OR6N1: variants seen among roughly 807,000 people sequenced by gnomAD.
OR6N1 encodes the protein olfactory receptor 6N1.
For synonymous variants in OR6N1, 170 were observed against 150.7 expected, an observed-to-expected ratio of 1.13 and a Z score of -0.94; for missense variants, 394 against 371.7, an observed-to-expected ratio of 1.06 and a Z score of -0.49.
chr1:158,769,720 C>T (rs766684119), intron 1 of OR6N1, among the ~76,000 whole-genome samples: 1 of 152,134 alleles, frequency 6.6e-6, no homozygotes, highest in African/African-American at 2.4e-5. Flanking sequence ...ATGTCCATCC[C>T]ATATACAAAA....
At chr1:158,782,540 G>C in the OR6N1 span, among the ~76,000 whole-genome samples, 1 of 152,200 alleles carries the variant, frequency 6.6e-6, no homozygotes, top group African/African-American at 2.4e-5. Context: ...TTCTGTAAGA[G>C]AGTGTTAGAT....
the OR6N1 span, chr1:158,795,968 T>A: frequency 1.3e-5 from 2 of 152,340 alleles, no homozygotes; most frequent in East Asian, 3.9e-4. Flanking sequence ...AGTGGTAGAA[T>A]CACGTTAACA....
chr1:158,824,310 C>A, the OR6N1 span, among the ~76,000 whole-genome samples: 17 of 152,160 alleles, frequency 1.1e-4, no homozygotes, highest in African/African-American at 3.9e-4. Context: ...CTCCTCCTAG[C>A]CTTCCACCGT....
the OR6N1 span, among the ~76,000 whole-genome samples, chr1:158,806,928 G>C: frequency 6.6e-6 from 1 of 150,752 alleles, no homozygotes; most frequent in Non-Finnish European, 1.5e-5. Flanking sequence ...GCTTGAACTC[G>C]GGAGGCAGTG....
chr1:158,789,481 T>G, the OR6N1 span, among the ~76,000 whole-genome samples: 1 of 152,222 alleles, frequency 6.6e-6, no homozygotes, highest in Admixed American at 6.5e-5. Flanking sequence ...ATTCCCCTTT[T>G]TCTACATCCT....
the OR6N1 span, among the ~76,000 whole-genome samples, chr1:158,818,549 A>G: frequency 9.2e-5 from 14 of 152,166 alleles, no homozygotes; most frequent in Non-Finnish European, 1.5e-4. Context: ...CTAAAATATG[A>G]AAGAGCTTGA....
At chr1:158,805,032 A>G in the OR6N1 span, among the ~76,000 whole-genome samples, 128 of 152,344 alleles carry the variant, frequency 8.4e-4, no homozygotes, top group Non-Finnish European at 1.3e-3. Flanking sequence ...AACCTTTTAG[A>G]GATATTATTT....
At chr1:158,807,637 C>T in the OR6N1 span, among the ~76,000 whole-genome samples, 1 of 152,220 alleles carries the variant, frequency 6.6e-6, no homozygotes, top group African/African-American at 2.4e-5. Flanking sequence ...TCATGGTGCG[C>T]TGATCTACAT....
chr1:158,811,313 A>G, the OR6N1 span, among the ~76,000 whole-genome samples: 1 of 151,978 alleles, frequency 6.6e-6, no homozygotes, highest in Non-Finnish European at 1.5e-5. Flanking sequence ...CACTACCCTC[A>G]CTATCTCCCC....
At chr1:158,807,532 C>T in the OR6N1 span, among the ~76,000 whole-genome samples, 8 of 152,284 alleles carry the variant, frequency 5.3e-5, no homozygotes, top group East Asian at 1.9e-4. Context: ...AGAAAAGAAG[C>T]GTGATCAGAA....
the OR6N1 span, among the ~76,000 whole-genome samples, chr1:158,801,981 G>A: frequency 6.6e-6 from 1 of 151,968 alleles, no homozygotes; most frequent in African/African-American, 2.4e-5. Context: ...TGGAAATGCT[G>A]ACCTCCCAGG....
At chr1:158,802,616 T>C in the OR6N1 span, among the ~76,000 whole-genome samples, 1 of 152,112 alleles carries the variant, frequency 6.6e-6, no homozygotes, top group East Asian at 1.9e-4. Flanking sequence ...ATCACCATAT[T>C]ATCACAGCAC....
the OR6N1 span, among the ~76,000 whole-genome samples, chr1:158,797,132 T>C: frequency 6.6e-6 from 1 of 152,248 alleles, no homozygotes; most frequent in African/African-American, 2.4e-5. Context: ...ATACAGAGAG[T>C]TTCCCAGGCT....
At chr1:158,779,768 G>A in the OR6N1 span, among the ~76,000 whole-genome samples, 1 of 152,122 alleles carries the variant, frequency 6.6e-6, no homozygotes. Context: ...CCTTCAAAAT[G>A]AGATCAAATC....
chr1:158,766,443 C>T lies in OR6N1; in HGVS notation c.240G>A (p.Lys80=), dbSNP rs765064472. ...ELGYTAATIP[K]MLANLLSEKK... is the part of the protein sequence containing the mutation. ...TCTCACTGAGCAAGTTTGCCAGCAT[C>T]TTAGGGATGGTGGCAGCTGTATAGC... The change falls in exon 2 of 2, where the codon AAG becomes AAA. Residue 80 remains lysine, a synonymous_variant. Coordinates refer to ENST00000641846, the MANE Select transcript of OR6N1 (RefSeq NM_001005185.2). The T allele has an allele frequency of 6.2e-7, 1 of 1,614,122 alleles. No homozygotes were observed. Among genetic ancestry groups the T allele is most frequent in the Non-Finnish European group, 8.5e-7 (1 of 1,180,014 alleles).
In OR6N1 at chr1:158,766,124, A is replaced by C; in HGVS notation, c.559T>G (p.Leu187Val). 2 of 1,614,174 alleles carry C rather than the reference A, an allele frequency of 1.2e-6. No homozygotes were observed. Among genetic ancestry groups the C allele is most frequent in the South Asian group, 1.1e-5 (1 of 91,086 alleles). Residue 187 changes from leucine to valine, a missense_variant, in exon 2 of 2, where the codon TTG becomes GTG. Physicochemically the swap from Leu to Val is conservative, Grantham distance 32. Coordinates refer to ENST00000641846, the MANE Select transcript of OR6N1 (RefSeq NM_001005185.2). ...TTTATAGACGTATCAGTGCAAGCCAAACTCAGCACAGGAGGGAAGTCACAA... is the reference window on the plus strand; with the variant it reads ...TTTATAGACGTATCAGTGCAAGCCACACTCAGCACAGGAGGGAAGTCACAA... ...VFCDFPPVLS[L>V]ACTDTSINVL...
the OR6N1 span, among the ~76,000 whole-genome samples, chr1:158,810,192 C>T: frequency 6.6e-6 from 1 of 152,112 alleles, no homozygotes. Context: ...GAATCAACAC[C>T]TATGTCACTT....
the OR6N1 span, among the ~76,000 whole-genome samples, chr1:158,837,149 C>T: frequency 1.3e-5 from 2 of 151,700 alleles, no homozygotes; most frequent in African/African-American, 4.8e-5. Context: ...TCCATATGTT[C>T]GTGTGAAAAA....
At chr1:158,783,716 C>G in the OR6N1 span, among the ~76,000 whole-genome samples, 1 of 152,094 alleles carries the variant, frequency 6.6e-6, no homozygotes, top group Non-Finnish European at 1.5e-5. Context: ...TCAATGAAGA[C>G]AGGGACTGTA....
Sources: gnomAD v4.1 joint callset for allele counts (sites outside exome capture counted in the v4.1 genomes callset) on GRCh38, gnomAD v4.1.1 for gene constraint, MANE v1.5 for transcripts, NCBI Gene and HGNC (gene_info 2026-07-23, HGNC 2026-07-21) for gene names.